Variants in C10orf53 observed in about 807,000 individuals in gnomAD.
The protein encoded by C10orf53 is UPF0728 protein C10orf53.
A neutral mutation model predicts 9.4 loss-of-function variants in C10orf53; 8 were observed. That is an observed-to-expected ratio of 0.85 (90% confidence interval 0.50 to 1.53). C10orf53 has a LOEUF of 1.53. Ranked by LOEUF, C10orf53 falls within the 40% of genes most tolerant of loss-of-function variation. C10orf53 has a pLI of 0.00. For synonymous variants in C10orf53, 48 were observed against 46.0 expected (o/e 1.04, Z -0.18); for missense variants, 117 against 117.8 (o/e 0.99, Z 0.03).
At chr10:49,683,905 G>T (rs1840503358) in intron 1 of C10orf53, among the ~76,000 whole-genome samples, 1 of 152,130 alleles carries the variant, frequency 6.6e-6, no homozygotes, top group Non-Finnish European at 1.5e-5. Flanking sequence ...CTAAAAAAAA[G>T]AAAGAAACCA....
At position 49,679,801 on chromosome 10, in the gene C10orf53, C is replaced by T. The variant is rs1405554942; in HGVS notation, c.97+7C>T. The T allele has an allele frequency of 6.5e-7, 1 of 1,530,344 alleles. No homozygotes were observed. The highest frequency in any genetic ancestry group is 2.0e-5 in the Admixed American group (1 of 49,422). 94.8% of individuals were successfully genotyped at this position (1,530,344 alleles called of 1,614,324 possible). On this transcript the variant is annotated splice_region_variant and intron_variant, in intron 1 of 2. Coordinates refer to ENST00000374111, the MANE Select transcript of C10orf53 (RefSeq NM_001042427.3). ...CGCCTGCAGGGCCTGCAAGGTGGGCCTCCTCGCCGCGTGCGCCCCTGAGGG... is the reference window on the plus strand; with the variant it reads ...CGCCTGCAGGGCCTGCAAGGTGGGCTTCCTCGCCGCGTGCGCCCCTGAGGG...
rs1203817721 is a variant in C10orf53, at chr10:49,696,789, G to A, written c.*2187G>A. On this transcript the variant is annotated 3_prime_UTR_variant, in exon 3 of 3. Coordinates refer to ENST00000374111, the MANE Select transcript of C10orf53 (RefSeq NM_001042427.3). The stretch of plus-strand genomic sequence containing the variant: ...GTGTGGGGGGCAGGTGAGGTAGAGG[G>A]AGGAAGTTTGCAGGGCTATTCTGCC... Among the ~76,000 whole-genome samples, 1 of 152,166 alleles carries A rather than the reference G, an allele frequency of 6.6e-6. No individual in the cohort carries two copies. The highest frequency in any genetic ancestry group is 1.5e-5 in the Non-Finnish European group (1 of 68,040).
chr10:49,701,968 G>A (rs576850866), downstream of C10orf53, among the ~76,000 whole-genome samples: 19 of 152,248 alleles, frequency 1.2e-4, no homozygotes, highest in South Asian at 2.9e-3. Context: ...TTGGGAGGCC[G>A]AGGTGGGTGG....
Position 49,697,490 on chromosome 10 carries a change from T to G in C10orf53, c.*2888T>G. On this transcript the variant is annotated 3_prime_UTR_variant, in exon 3 of 3. Coordinates refer to ENST00000374111, the MANE Select transcript of C10orf53 (RefSeq NM_001042427.3). ...TAAGTTTTATAAGATGTCAAGTCAA[T>G]GTCGTTATGATTAACATGTAAAGAA... is the stretch of plus-strand genomic sequence containing the variant. Among the ~76,000 whole-genome samples, 1 of 152,222 alleles carries G rather than the reference T, an allele frequency of 6.6e-6. No individual in the cohort carries two copies. Among genetic ancestry groups the G allele is most frequent in the South Asian group, 2.1e-4 (1 of 4,828 alleles).
intron 2 of C10orf53, among the ~76,000 whole-genome samples, chr10:49,703,464 G>C (rs1840699593): frequency 6.6e-6 from 1 of 152,142 alleles, no homozygotes; most frequent in African/African-American, 2.4e-5. Context: ...ACCGAAAATT[G>C]GAGCTGTTTA....
At chr10:49,704,714 A>C (rs1305384197) in intron 2 of C10orf53, among the ~76,000 whole-genome samples, 3 of 152,224 alleles carry the variant, frequency 2.0e-5, no homozygotes, top group Admixed American at 2.0e-4. Context: ...ACTGCACTCC[A>C]CCCTGGGTGG....
intron 1 of C10orf53, among the ~76,000 whole-genome samples, chr10:49,684,468 A>G (rs1840508252): frequency 6.6e-6 from 1 of 152,240 alleles, no homozygotes; most frequent in Non-Finnish European, 1.5e-5. Context: ...TTTTAACAAT[A>G]TTAAGCCGTT....
chr10:49,699,363 T>C (rs1219017771), downstream of C10orf53, among the ~76,000 whole-genome samples: 2 of 151,512 alleles, frequency 1.3e-5, no homozygotes, highest in East Asian at 3.9e-4. Context: ...CCAGATACTT[T>C]TTCTTATTTT....
At chr10:49,689,919 A>C (rs867712336) in intron 1 of C10orf53, among the ~76,000 whole-genome samples, 11 of 152,344 alleles carry the variant, frequency 7.2e-5, no homozygotes, top group African/African-American at 2.6e-4. Context: ...AGATCAAAAA[A>C]CATATTTGTT....
At chr10:49,709,784 A>C (rs150643866) in exon 3 of C10orf53, 1 of 152,430 alleles carries the variant, frequency 6.6e-6, no homozygotes, top group African/African-American at 2.4e-5. Flanking sequence ...CCCTCCTGGC[A>C]TCCCCTTCTC....
chr10:49,682,635 C>A (rs1311833789), intron 1 of C10orf53, among the ~76,000 whole-genome samples: 1 of 152,202 alleles, frequency 6.6e-6, no homozygotes, highest in African/African-American at 2.4e-5. Flanking sequence ...TGGTCCCGCC[C>A]ATGTCCTGCT....
intron 1 of C10orf53, among the ~76,000 whole-genome samples, chr10:49,692,350 T>C (rs552832276): frequency 6.6e-6 from 1 of 152,244 alleles, no homozygotes. Context: ...TGAGTCTCTT[T>C]CTGAAGTTCC....
chr10:49,688,935 C>A (rs1357290839), intron 1 of C10orf53, among the ~76,000 whole-genome samples: 2 of 152,142 alleles, frequency 1.3e-5, no homozygotes, highest in Admixed American at 1.3e-4. Flanking sequence ...TCGTAATTAC[C>A]TACCTCAGCA....
At chr10:49,708,308 A>G in intron 2 of C10orf53, 1 of 1,594,426 alleles carries the variant, frequency 6.3e-7, no homozygotes, top group Non-Finnish European at 8.5e-7. Context: ...CAACAGCAGG[A>G]CTCTGTCTCC....
exon 3 of C10orf53, chr10:49,710,179 T>C (rs1564510799): frequency 6.6e-6 from 1 of 152,170 alleles, no homozygotes; most frequent in Non-Finnish European, 1.5e-5. Flanking sequence ...CAATGCTCCA[T>C]CCTGCCAGCC....
In C10orf53 at chr10:49,694,678, G is replaced by T; in HGVS notation, c.*76G>T. ...CCATTCTATGATGCAGGCAGAAGTGGCTGTGCCACGGTGTGGACACTGGGC... is the reference window on the plus strand; with the variant it reads ...CCATTCTATGATGCAGGCAGAAGTGTCTGTGCCACGGTGTGGACACTGGGC... On this transcript the variant is annotated 3_prime_UTR_variant, in exon 3 of 3. Transcript: ENST00000374111. The T allele has an allele frequency of 6.2e-7, 1 of 1,608,896 alleles. No individual in the cohort carries two copies. Among genetic ancestry groups the T allele is most frequent in the Admixed American group, 1.7e-5 (1 of 59,644 alleles).
chr10:49,704,439 A>G (rs1840708493), intron 2 of C10orf53, among the ~76,000 whole-genome samples: 1 of 152,188 alleles, frequency 6.6e-6, no homozygotes, highest in African/African-American at 2.4e-5. Flanking sequence ...AGATAAATGC[A>G]AATTGAAACT....
At chr10:49,706,891 G>A (rs1019171247) in intron 2 of C10orf53, among the ~76,000 whole-genome samples, 38 of 152,232 alleles carry the variant, frequency 2.5e-4, no homozygotes, top group African/African-American at 8.9e-4. Flanking sequence ...TGTGTGTATA[G>A]TGTGTGCATA....
At chr10:49,706,511 C>T (rs1010560566) in intron 2 of C10orf53, among the ~76,000 whole-genome samples, 1 of 152,094 alleles carries the variant, frequency 6.6e-6, no homozygotes, top group Non-Finnish European at 1.5e-5. Context: ...ATGAAGTGTC[C>T]AAATAGGCAA....
Sources: gnomAD v4.1 joint callset for allele counts (sites outside exome capture counted in the v4.1 genomes callset) on GRCh38, gnomAD v4.1.1 for gene constraint, MANE v1.5 for transcripts, NCBI Gene and HGNC (gene_info 2026-07-23, HGNC 2026-07-21) for gene names.